Variants in CLTA observed in about 807,000 individuals in gnomAD.
CLTA encodes the protein clathrin light chain A.
A neutral mutation model predicts 26.9 loss-of-function variants in CLTA; 9 were observed. The ratio of observed to expected loss-of-function variants is 0.33; its 90% CI spans 0.20 to 0.58. The LOEUF (loss-of-function observed/expected upper bound fraction) is 0.58. Ranked by LOEUF, CLTA falls within the 20% of genes least tolerant of loss-of-function variation. The pLI is 0.85. For missense variants in CLTA, 278 were observed against 294.2 expected, an observed-to-expected ratio of 0.94 and a Z score of 0.40; for synonymous variants, 120 against 115.5, an observed-to-expected ratio of 1.04 and a Z score of -0.25.
chr9:36,197,436 T>C (rs1827121572), intron 1 of CLTA, 115 bp from the exon 2 acceptor site: 1 of 656,844 alleles, frequency 1.5e-6, no homozygotes, highest in Non-Finnish European at 2.7e-6. Context: ...ACCACAGGGA[T>C]AGCATTTAGT....
intron 4 of CLTA, among the ~76,000 whole-genome samples, chr9:36,206,851 C>T (rs1178018257): frequency 2.6e-5 from 4 of 151,962 alleles, no homozygotes; most frequent in African/African-American, 7.3e-5. Flanking sequence ...GCTGAGATTG[C>T]GCCACTGCAC....
chr9:36,193,184 A>C (rs573986106), intron 1 of CLTA, among the ~76,000 whole-genome samples: 1 of 152,326 alleles, frequency 6.6e-6, no homozygotes, highest in African/African-American at 2.4e-5. Flanking sequence ...TTCTTAGTGA[A>C]CTAAGCATTT....
Position 36,208,514 on chromosome 9 carries a change from G to A in CLTA, c.486-3089G>A, listed in dbSNP as rs933143410. On this transcript the variant is annotated intron_variant, in intron 4 of 4. Coordinates refer to ENST00000345519, the MANE Select transcript of CLTA (RefSeq NM_001833.4). Reference sequence around the variant, plus strand: ...AAGCCAGGGCCAGGATCCTAGTCCAGTGTTCTTCCCACCAGACCACTCACC... The same window carrying A: ...AAGCCAGGGCCAGGATCCTAGTCCAATGTTCTTCCCACCAGACCACTCACC... Among the ~76,000 whole-genome samples, 78 of 152,212 alleles carry A rather than the reference G, an allele frequency of 5.1e-4. 1 individual carries two copies. The highest frequency in any genetic ancestry group is 1.7e-3 in the African/African-American group (69 of 41,452).
At chr9:36,193,276 A>C (rs1826841707) in intron 1 of CLTA, among the ~76,000 whole-genome samples, 1 of 150,436 alleles carries the variant, frequency 6.6e-6, no homozygotes, top group African/African-American at 2.4e-5. Context: ...AGTTTAGAGA[A>C]CTGATTGGAC....
intron 3 of CLTA, among the ~76,000 whole-genome samples, chr9:36,203,251 A>G (rs903282035): frequency 2.0e-5 from 3 of 152,220 alleles, no homozygotes; most frequent in Non-Finnish European, 2.9e-5. Flanking sequence ...AATCCAATCT[A>G]GCAAACCTGC....
At chr9:36,198,923 G>A in intron 2 of CLTA, 56 bp from the exon 3 acceptor site, 2 of 1,200,374 alleles carry the variant, frequency 1.7e-6, no homozygotes, top group South Asian at 1.2e-5. Flanking sequence ...CAGGTGAAGT[G>A]CATTTTAGGA....
intron 1 of CLTA, among the ~76,000 whole-genome samples, chr9:36,193,486 A>G (rs1321537834): frequency 6.6e-6 from 1 of 152,148 alleles, no homozygotes; most frequent in African/African-American, 2.4e-5. Flanking sequence ...TTATAATGCT[A>G]TGTGGCATCT....
intron 4 of CLTA, among the ~76,000 whole-genome samples, chr9:36,205,470 G>A (rs545484706): frequency 2.2e-4 from 33 of 152,138 alleles, no homozygotes; most frequent in Non-Finnish European, 3.7e-4. Flanking sequence ...CGGTAAAGCC[G>A]AGTGGGGACT....
chr9:36,209,367 T>G lies in CLTA; in HGVS notation c.486-2236T>G, dbSNP rs778385299. 1.2e-5 allele frequency: 17 copies of G among 1,449,486 alleles called. 1 individual carries two copies. In the South Asian group the frequency reaches 2.0e-4, roughly 17 times the overall value. 89.8% of individuals were successfully genotyped at this position (1,449,486 alleles called of 1,614,324 possible). On this transcript the variant is annotated intron_variant, in intron 4 of 4. Transcript: ENST00000345519. ...TTTTTCTACATCTGATTCTTTCTAC[T>G]TTTGTTTAGAGTTAATGCTCCTTTT...
At chr9:36,191,821 A>C (rs920901890) in intron 1 of CLTA, among the ~76,000 whole-genome samples, 9 of 152,240 alleles carry the variant, frequency 5.9e-5, no homozygotes, top group Admixed American at 1.3e-4. Flanking sequence ...AAGATGATCT[A>C]GGTCTGGAGA....
chr9:36,198,821 C>T (rs1286984040), intron 2 of CLTA, among the ~76,000 whole-genome samples, 158 bp from the exon 3 acceptor site: 2 of 148,436 alleles, frequency 1.3e-5, no homozygotes, highest in African/African-American at 5.0e-5. Context: ...TGCAGTGAGC[C>T]GAGATCGTGC....
intron 3 of CLTA, among the ~76,000 whole-genome samples, chr9:36,203,196 GA>G (rs1310408785): frequency 6.6e-6 from 1 of 152,112 alleles, no homozygotes; most frequent in Non-Finnish European, 1.5e-5. Context: ...GTGTCTTAGA[GA>G]AAACCATATT....
intron 1 of CLTA, among the ~76,000 whole-genome samples, chr9:36,194,362 G>A (rs1053006134): frequency 6.6e-6 from 1 of 152,156 alleles, no homozygotes; most frequent in African/African-American, 2.4e-5. Flanking sequence ...AAGAGACATG[G>A]GTGAATTAAA....
intron 4 of CLTA, among the ~76,000 whole-genome samples, chr9:36,205,007 C>T (rs113732531): frequency 2.6e-5 from 4 of 152,286 alleles, no homozygotes; most frequent in East Asian, 1.9e-4. Flanking sequence ...CTTGGGTTCT[C>T]GTATGCAGAG....
chr9:36,211,533 T>A lies in CLTA; in HGVS notation c.486-70T>A, dbSNP rs1361715088. 4 of 1,526,558 alleles carry A rather than the reference T, an allele frequency of 2.6e-6. No homozygotes were observed. The African/African-American group carries it at 5.5e-5, about 21-fold the overall frequency. 94.6% of individuals were successfully genotyped at this position (1,526,558 alleles called of 1,614,324 possible). On this transcript the variant is annotated intron_variant, in intron 4 of 4. Coordinates refer to ENST00000345519, the MANE Select transcript of CLTA (RefSeq NM_001833.4). Reference sequence around the variant, plus strand: ...AGGGACAAATAGGCAGTTGCTTGTGTAGCAAGGCAGCCACCAGGTTGCTCA... The same window carrying A: ...AGGGACAAATAGGCAGTTGCTTGTGAAGCAAGGCAGCCACCAGGTTGCTCA...
rs529143251 is a variant in CLTA, at chr9:36,211,580, A to G, written c.486-23A>G. 46 of 1,597,132 alleles carry G rather than the reference A, an allele frequency of 2.9e-5. 1 individual carries two copies. In the South Asian group the frequency reaches 4.2e-4, roughly 15 times the overall value. On this transcript the variant is annotated intron_variant, in intron 4 of 4. Coordinates refer to ENST00000345519, the MANE Select transcript of CLTA (RefSeq NM_001833.4). ...CTCAAAGGGGGTTCTGCATAAACCA[A>G]CATATTTTGTTGTTGCTTCCAGGGC... is the stretch of plus-strand genomic sequence containing the variant.
At chr9:36,206,038 G>C (rs1587240752) in intron 4 of CLTA, among the ~76,000 whole-genome samples, 2 of 151,994 alleles carry the variant, frequency 1.3e-5, no homozygotes, top group African/African-American at 4.8e-5. Flanking sequence ...GGGATTACAG[G>C]CGTGAGCCAC....
rs551463550 is a variant in CLTA, at chr9:36,201,649, C to G, written c.374-2419C>G. Among the ~76,000 whole-genome samples, 172 of 152,210 alleles carry G rather than the reference C, an allele frequency of 1.1e-3. 4 individuals are homozygous for G. The South Asian group carries it at 0.033, about 29-fold the overall frequency. On this transcript the variant is annotated intron_variant, in intron 3 of 4. Coordinates refer to ENST00000345519, the MANE Select transcript of CLTA (RefSeq NM_001833.4). ...ACATTGAAAGAAAATACTGTCCAAT[C>G]AAAAAGGTAATTATTTGGAAGTAAT...
chr9:36,207,368 A>T (rs913970908), intron 4 of CLTA, among the ~76,000 whole-genome samples: 5 of 152,216 alleles, frequency 3.3e-5, no homozygotes, highest in African/African-American at 1.2e-4. Flanking sequence ...CATTTCCCCT[A>T]TTACAGGTAG....
Sources: allele counts gnomAD v4.1 joint callset (sites outside exome capture counted in the v4.1 genomes callset), GRCh38; gene constraint gnomAD v4.1.1; transcripts MANE v1.5; gene names NCBI Gene and HGNC (gene_info 2026-07-23, HGNC 2026-07-21).